DPYD: variants seen among roughly 807,000 people sequenced by gnomAD.
The protein encoded by DPYD is dihydropyrimidine dehydrogenase [NADP(+)].
In DPYD, 109 loss-of-function variants were observed where a neutral mutation model predicts 116.2. The ratio of observed to expected loss-of-function variants is 0.94; its 90% CI spans 0.80 to 1.10. The LOEUF (loss-of-function observed/expected upper bound fraction) is 1.10, where lower values mean the gene tolerates loss of function less well. Ranked by LOEUF, DPYD falls within the 50% of genes least tolerant of loss-of-function variation. DPYD has a pLI of 0.00. For missense variants in DPYD, 1,302 were observed against 1,254.5 expected (o/e 1.04, Z -0.57); for synonymous variants, 440 against 432.0 (o/e 1.02, Z -0.23).
At chr1:97,412,862 A>C (rs1190354986) in intron 14 of DPYD, among the ~76,000 whole-genome samples, 1 of 152,198 alleles carries the variant, frequency 6.6e-6, no homozygotes, top group Non-Finnish European at 1.5e-5. Flanking sequence ...CTATCATTTA[A>C]TGAAAGAACA....
chr1:97,462,579 G>C (rs1362181298), intron 13 of DPYD, among the ~76,000 whole-genome samples: 1 of 152,092 alleles, frequency 6.6e-6, no homozygotes, highest in East Asian at 1.9e-4. Flanking sequence ...ATAACTGTAG[G>C]TATTAACATT....
In DPYD at chr1:97,788,539, T is replaced by C. The variant is rs576310031; in HGVS notation, c.233+39575A>G. The stretch of plus-strand genomic sequence containing the variant: ...CAAGCAAGACCAACGAACTACCCAC[T>C]GAGTCCAGCCAATTGACACAATTGC... On this transcript the variant is annotated intron_variant, in intron 3 of 22. Coordinates refer to ENST00000370192, the MANE Select transcript of DPYD (RefSeq NM_000110.4). 3.9e-5 allele frequency among the ~76,000 whole-genome samples: 6 copies of C among 152,306 alleles called. No homozygotes were observed. The South Asian group carries it at 6.2e-4, about 16-fold the overall frequency.
chr1:97,718,008 C>G (rs547670580), intron 5 of DPYD, among the ~76,000 whole-genome samples: 1 of 151,960 alleles, frequency 6.6e-6, no homozygotes, highest in East Asian at 1.9e-4. Context: ...CTGGATCCAA[C>G]GTTAGATCAA....
chr1:97,810,086 A>T (rs1253082464), intron 3 of DPYD, among the ~76,000 whole-genome samples: 1 of 151,960 alleles, frequency 6.6e-6, no homozygotes, highest in African/African-American at 2.4e-5. Context: ...GGAGATCAAG[A>T]CCATCCTGGC....
intron 6 of DPYD, among the ~76,000 whole-genome samples, chr1:97,694,356 T>C (rs545354040): frequency 1.3e-5 from 2 of 152,176 alleles, no homozygotes; most frequent in Non-Finnish European, 2.9e-5. Flanking sequence ...CATACACACA[T>C]ACATCAGCAG....
At chr1:97,465,810 T>A (rs1305777651) in intron 13 of DPYD, among the ~76,000 whole-genome samples, 1 of 152,164 alleles carries the variant, frequency 6.6e-6, no homozygotes, top group Admixed American at 6.5e-5. Context: ...AGCTCGATTA[T>A]CTTGGGCACA....
intron 21 of DPYD, among the ~76,000 whole-genome samples, chr1:97,097,354 AG>A (rs1650338937): frequency 1.3e-5 from 2 of 152,096 alleles, no homozygotes; most frequent in African/African-American, 4.8e-5. Flanking sequence ...GGAATTTTTA[AG>A]GGTTCCAGTC....
intron 7 of DPYD, 161 bp downstream of exon 7, chr1:97,691,556 C>T (rs1661008128): frequency 9.7e-6 from 6 of 620,308 alleles, no homozygotes; most frequent in Non-Finnish European, 1.7e-5. Flanking sequence ...AGACAGTAGA[C>T]AGACAAATGC....
At chr1:97,509,538 T>A (rs1023192500) in intron 13 of DPYD, among the ~76,000 whole-genome samples, 1 of 151,904 alleles carries the variant, frequency 6.6e-6, no homozygotes, top group Non-Finnish European at 1.5e-5. Flanking sequence ...ACGTGTTCAG[T>A]TGAGTGTTTC....
chr1:97,080,674 A>G (rs1007214390), intron 22 of DPYD, among the ~76,000 whole-genome samples: 1 of 152,180 alleles, frequency 6.6e-6, no homozygotes, highest in Non-Finnish European at 1.5e-5. Flanking sequence ...TTTTATATAA[A>G]TGGAAACTCA....
chr1:97,525,789 A>AGAGAGAGAGAGAGC (rs1431555133), intron 12 of DPYD, among the ~76,000 whole-genome samples: 3 of 142,612 alleles, frequency 2.1e-5, no homozygotes, highest in African/African-American at 8.0e-5. Context: ...AGAGAGAGAG[A>AGAGAGAGAGAGAGC]GTGTGTGTGT....
At chr1:97,249,005 T>C (rs1662903698) in intron 18 of DPYD, among the ~76,000 whole-genome samples, 1 of 151,762 alleles carries the variant, frequency 6.6e-6, no homozygotes, top group East Asian at 1.9e-4. Context: ...CTCAATACTG[T>C]TAAGATGTTA....
In DPYD at chr1:97,620,050, AAC is replaced by A. The variant is rs528982095; in HGVS notation, c.851-24886_851-24885del. On this transcript the variant is annotated intron_variant, in intron 8 of 22. Transcript: ENST00000370192. ...CCCAGTATAAGTGAAAAAAAAAAAA[AAC>A]ATAGGCACTTTGGAATTATTAGCCT... is the stretch of plus-strand genomic sequence containing the variant. 2.2e-3 allele frequency among the ~76,000 whole-genome samples: 338 copies of A among 151,982 alleles called. 4 individuals are homozygous for A. Among genetic ancestry groups the A allele is most frequent in the African/African-American group, 7.6e-3 (316 of 41,490 alleles).
intron 3 of DPYD, among the ~76,000 whole-genome samples, chr1:97,779,927 T>C (rs1666639107): frequency 6.6e-6 from 1 of 152,196 alleles, no homozygotes; most frequent in East Asian, 1.9e-4. Flanking sequence ...TGTCTATTCA[T>C]AAGTTGTGAC....
intron 14 of DPYD, among the ~76,000 whole-genome samples, chr1:97,443,438 C>G (rs1675911934): frequency 1.3e-5 from 2 of 152,248 alleles, no homozygotes; most frequent in South Asian, 4.1e-4. Context: ...TGGGGATACA[C>G]TAGTCTTCCC....
chr1:97,825,456 T>G (rs1172668825), intron 3 of DPYD, among the ~76,000 whole-genome samples: 2 of 151,854 alleles, frequency 1.3e-5, no homozygotes, highest in African/African-American at 2.4e-5. Flanking sequence ...CTAGACACAC[T>G]CAGGACAAGA....
At chr1:97,304,091 T>A (rs1395383651) in intron 18 of DPYD, among the ~76,000 whole-genome samples, 2 of 151,976 alleles carry the variant, frequency 1.3e-5, no homozygotes, top group Non-Finnish European at 2.9e-5. Context: ...CAATAGTTCT[T>A]TTATTAATTT....
intron 3 of DPYD, among the ~76,000 whole-genome samples, chr1:97,801,066 C>T (rs1472860234): frequency 1.3e-5 from 2 of 151,814 alleles, no homozygotes; most frequent in Non-Finnish European, 2.9e-5. Flanking sequence ...TCTGTGCCTA[C>T]CAAAATTCAC....
At chr1:97,541,462 C>T (rs994284575) in intron 12 of DPYD, among the ~76,000 whole-genome samples, 1 of 152,016 alleles carries the variant, frequency 6.6e-6, no homozygotes, top group Admixed American at 6.6e-5. Context: ...TCTTGTACCA[C>T]TTTTAAAAAT....
Sources: allele counts gnomAD v4.1 joint callset (sites outside exome capture counted in the v4.1 genomes callset), GRCh38; gene constraint gnomAD v4.1.1; transcripts MANE v1.5; gene names NCBI Gene and HGNC (gene_info 2026-07-23, HGNC 2026-07-21).